Variants in SLC4A8 observed in about 807,000 individuals in gnomAD.
The protein encoded by SLC4A8 is solute carrier family 4 member 8, also known as electroneutral sodium bicarbonate exchanger 1.
In SLC4A8, 40 loss-of-function variants were observed where a neutral mutation model predicts 125.0. The ratio of observed to expected loss-of-function variants is 0.32; its 90% confidence interval spans 0.25 to 0.42. The LOEUF is 0.42. Among genes scored for constraint, SLC4A8 ranks in the 10% least tolerant of loss-of-function variants. SLC4A8 has a pLI of 1.00. For synonymous variants in SLC4A8, 456 were observed against 476.0 expected (o/e 0.96, Z 0.55); for missense variants, 863 against 1,355.1 (o/e 0.64, Z 5.70).
chr12:51,475,249 TATAAC>T (rs770762941), intron 16 of SLC4A8, 43 bp downstream of exon 16: 16 of 1,591,346 alleles, frequency 1.0e-5, no homozygotes, highest in South Asian at 2.2e-5. Context: ...TAGAATCAAA[TATAAC>T]AGAACCTTTT....
chr12:51,461,073 C>CT (rs1238776819), intron 8 of SLC4A8, 131 bp from the exon 9 acceptor site: 23,836 of 410,170 alleles, frequency 0.058, no homozygotes, highest in East Asian at 0.073. Context: ...TTACTGTCTT[C>CT]TTTTTTTTTT....
In SLC4A8 at chr12:51,471,269, A is replaced by C; in HGVS notation, c.1659-18A>C. 1 of 1,605,112 alleles carries C rather than the reference A, an allele frequency of 6.2e-7. No individual in the cohort carries two copies. The highest frequency in any genetic ancestry group is 8.5e-7 in the Non-Finnish European group (1 of 1,178,068). On this transcript the variant is annotated intron_variant, in intron 13 of 24. Transcript: ENST00000453097. ...GCCATCCATCCATGCGTTCTGATGA[A>C]CTTTGGTCTTGTTTCAGAGACTATG...
intron 2 of SLC4A8, among the ~76,000 whole-genome samples, chr12:51,447,249 A>G (rs1592198885): frequency 6.9e-6 from 1 of 144,432 alleles, no homozygotes; most frequent in South Asian, 2.2e-4. Flanking sequence ...CACCTGTCTA[A>G]TTTTTTTTTT....
intron 1 of SLC4A8, among the ~76,000 whole-genome samples, chr12:51,398,111 C>T (rs1948300889): frequency 6.6e-6 from 1 of 152,124 alleles, no homozygotes; most frequent in Non-Finnish European, 1.5e-5. Flanking sequence ...ATTTTATAAG[C>T]ACAGCAGTTC....
At chr12:51,466,478 G>A (rs972023531) in intron 11 of SLC4A8, 1 of 152,160 alleles carries the variant, frequency 6.6e-6, no homozygotes, top group African/African-American at 2.4e-5. Context: ...GGCTCCTTAA[G>A]TCAATGCTCC....
chr12:51,503,188 C>G (rs1188199755), intron 22 of SLC4A8, among the ~76,000 whole-genome samples: 2 of 150,672 alleles, frequency 1.3e-5, no homozygotes, highest in African/African-American at 4.9e-5. Context: ...TCGTAGAGAT[C>G]TTTTACCTTA....
chr12:51,494,390 G>A (rs1007317197), intron 20 of SLC4A8: 1 of 149,222 alleles, frequency 6.7e-6, no homozygotes, highest in African/African-American at 2.5e-5. Context: ...TGAATGGAAT[G>A]TCCTATGGCC....
chr12:51,440,682 G>A lies in SLC4A8; in HGVS notation c.49-26G>A, dbSNP rs760136647. ...ATTTGAACGAGGTATGTGTATTACT[G>A]TGACTACTTATTTGTGTTTAAACAG... On this transcript the variant is annotated intron_variant, in intron 1 of 24. Transcript: ENST00000453097. The A allele has an allele frequency of 6.3e-6, 10 of 1,586,570 alleles. No homozygotes were observed. In the South Asian group the frequency reaches 7.8e-5, roughly 12 times the overall value.
Position 51,476,536 on chromosome 12 carries a change from A to G in SLC4A8, c.2172+1330A>G, listed in dbSNP as rs145470327. Reference sequence around the variant, plus strand: ...ACAGTCATTTGATGCCTTCTGATATAGAACTGAGAAGAAATTCATATTAGT... The same window carrying G: ...ACAGTCATTTGATGCCTTCTGATATGGAACTGAGAAGAAATTCATATTAGT... On this transcript the variant is annotated intron_variant, in intron 16 of 24. Transcript: ENST00000453097. 1.5e-3 allele frequency among the ~76,000 whole-genome samples: 235 copies of G among 152,306 alleles called. 2 individuals carry two copies. The highest frequency in any genetic ancestry group is 5.5e-3 in the African/African-American group (230 of 41,564).
intron 17 of SLC4A8, 103 bp downstream of exon 17, chr12:51,486,003 G>T (rs1186320118): frequency 1.5e-6 from 1 of 680,758 alleles, no homozygotes; most frequent in Non-Finnish European, 2.6e-6. Context: ...GAGTTTTACA[G>T]TCCCCTAAAT....
At position 51,459,226 on chromosome 12, in the gene SLC4A8, G is replaced by A. The variant is rs189943035; in HGVS notation, c.855+576G>A. Among the ~76,000 whole-genome samples, 8 of 152,270 alleles carry A rather than the reference G, an allele frequency of 5.3e-5. No homozygotes were observed. The East Asian group carries it at 9.6e-4, about 18-fold the overall frequency. On this transcript the variant is annotated intron_variant, in intron 7 of 24. Transcript: ENST00000453097. ...GTCATATCACTTCCTCTGCTCATAA[G>A]GCTTCCCATTTTATTTGGAAAACCT...
intron 22 of SLC4A8, among the ~76,000 whole-genome samples, chr12:51,502,965 C>G (rs1009324118): frequency 3.2e-4 from 48 of 151,772 alleles, no homozygotes; most frequent in African/African-American, 1.1e-3. Flanking sequence ...CCTCAGCCTC[C>G]CGAGTAGCTG....
intron 2 of SLC4A8, among the ~76,000 whole-genome samples, chr12:51,443,295 C>T (rs1056611095): frequency 1.3e-5 from 2 of 152,088 alleles, no homozygotes; most frequent in South Asian, 2.1e-4. Flanking sequence ...CTATCCTTAC[C>T]CCATTTTAAG....
Position 51,424,957 on chromosome 12 carries a change from G to C in SLC4A8, c.-31G>C. The stretch of plus-strand genomic sequence containing the variant: ...GCGGGCTGCTGATGCTTGGCTTGGA[G>C]CCCGTGGGGGAGACCTAGTTCGGCT... On this transcript the variant is annotated 5_prime_UTR_variant, in exon 1 of 25. Coordinates refer to ENST00000453097, the MANE Select transcript of SLC4A8 (RefSeq NM_001039960.3). The C allele has an allele frequency of 1.3e-6, 2 of 1,550,120 alleles. No homozygotes were observed. The highest frequency in any genetic ancestry group is 1.7e-6 in the Non-Finnish European group (2 of 1,146,708).
intron 1 of SLC4A8, 28 bp from the exon 2 acceptor site, chr12:51,440,680 C>T (rs1382435216): frequency 8.2e-6 from 13 of 1,576,524 alleles, no homozygotes; most frequent in South Asian, 3.4e-5. Flanking sequence ...ATGTGTATTA[C>T]TGTGACTACT....
chr12:51,423,555 C>A (rs1484741947), upstream of SLC4A8, among the ~76,000 whole-genome samples: 1 of 152,070 alleles, frequency 6.6e-6, no homozygotes, highest in African/African-American at 2.4e-5. Flanking sequence ...ATACTGAAGC[C>A]CAACCTTGTT....
rs753910159 is a variant in SLC4A8 at position 51,450,908 on chromosome 12, C to G, written c.163C>G (p.Pro55Ala). ...AACTCTGTATGTGGGAGTTCGGATG[C>G]CGCTTGGCCGGCAGAGCCATCGGCA... ...HRTLYVGVRMPLGRQSHRHHR... is the reference protein window; with the variant it reads ...HRTLYVGVRMALGRQSHRHHR... The change falls in exon 3 of 25, where the codon CCG becomes GCG. Residue 55 changes from proline to alanine, a missense_variant. Transcript: ENST00000453097. 35 of 1,612,622 alleles carry G rather than the reference C, an allele frequency of 2.2e-5. No homozygotes were observed. The highest frequency in any genetic ancestry group is 2.9e-5 in the Non-Finnish European group (34 of 1,179,346).
intron 1 of SLC4A8, among the ~76,000 whole-genome samples, chr12:51,427,609 T>C (rs1287180692): frequency 1.3e-5 from 2 of 152,104 alleles, no homozygotes; most frequent in Non-Finnish European, 2.9e-5. Context: ...TGGGGATGAC[T>C]TGGGGGAGAG....
chr12:51,433,653 C>G (rs1592174212), intron 1 of SLC4A8, among the ~76,000 whole-genome samples: 1 of 152,082 alleles, frequency 6.6e-6, no homozygotes, highest in Non-Finnish European at 1.5e-5. Context: ...GAAATAATAG[C>G]CAATTGGTGA....
Sources: gnomAD v4.1 joint callset for allele counts (sites outside exome capture counted in the v4.1 genomes callset) on GRCh38, gnomAD v4.1.1 for gene constraint, MANE v1.5 for transcripts, NCBI Gene and HGNC (gene_info 2026-07-23, HGNC 2026-07-21) for gene names.